The following EZH2 variants were observed in gnomAD, a reference collection of about 807,000 sequenced individuals.
The protein encoded by EZH2 is enhancer of zeste 2 polycomb repressive complex 2 subunit, also known as histone-lysine N-methyltransferase EZH2.
Under a neutral mutation model 98.4 loss-of-function variants are expected in EZH2, and 18 were observed. The ratio of observed to expected loss-of-function variants is 0.18; its 90% CI spans 0.13 to 0.27. The LOEUF (loss-of-function observed/expected upper bound fraction) is 0.27. EZH2 is among the 10% of genes least tolerant of loss of function. The pLI is 1.00. For synonymous variants in EZH2, 338 were observed against 312.3 expected (o/e 1.08, Z -0.87); for missense variants, 470 against 935.1 (o/e 0.50, Z 6.49).
chr7:148,877,700 C>T (rs774120181), intron 1 of EZH2, among the ~76,000 whole-genome samples: 1 of 152,208 alleles, frequency 6.6e-6, no homozygotes, highest in Non-Finnish European at 1.5e-5. Context: ...CTCTCAAATG[C>T]ATACTATTAC....
Position 148,813,955 on chromosome 7 carries a change from T to C in EZH2, c.1851+4A>G, listed in dbSNP as rs1563200988. 1 of 1,610,436 alleles carries C rather than the reference T, an allele frequency of 6.2e-7. No individual in the cohort carries two copies. The stretch of plus-strand genomic sequence containing the variant: ...CAATCTTCCAGAAGTGACTTGTTGC[T>C]CACCTTTTTGGAGCCCCGCTGAATA... On this transcript the variant is annotated splice_donor_region_variant and intron_variant, in intron 15 of 19. Coordinates refer to ENST00000320356, the MANE Select transcript of EZH2 (RefSeq NM_004456.5).
chr7:148,846,838 CTGTGTGTGTGT>C (rs1814211285), intron 2 of EZH2, among the ~76,000 whole-genome samples: 1 of 135,124 alleles, frequency 7.4e-6, no homozygotes, highest in African/African-American at 2.7e-5. Context: ...TCTTTGTTGA[CTGTGTGTGTGT>C]GTGTGTGTGT....
chr7:148,809,685 A>G (rs189827333), intron 17 of EZH2, among the ~76,000 whole-genome samples: 8 of 152,346 alleles, frequency 5.3e-5, no homozygotes, highest in African/African-American at 1.7e-4. Flanking sequence ...AAATCTGACA[A>G]AATTCTTCCA....
chr7:148,846,473 C>T lies in EZH2; in HGVS notation c.243G>A (p.Arg81=). Residue 81 remains arginine, a synonymous_variant, in exon 3 of 20, where the codon AGG becomes AGA. Transcript: ENST00000320356. The part of the protein sequence containing the change: ...LTSVSSLRGT[R]ECSVTSDLDF... ...ACAACATGTTATGTTAACCAACCTC[C>T]CTAGTCCCGCGCAATGAGCTCACAG... 6.2e-7 allele frequency: 1 copy of T among 1,612,880 alleles called. No individual in the cohort carries two copies. Among genetic ancestry groups the T allele is most frequent in the Non-Finnish European group, 8.5e-7 (1 of 1,179,440 alleles).
chr7:148,822,327 T>C (rs564340727), intron 8 of EZH2, among the ~76,000 whole-genome samples: 1 of 151,764 alleles, frequency 6.6e-6, no homozygotes, highest in East Asian at 1.9e-4. Flanking sequence ...CTGGCCAACA[T>C]GGCAAAACCA....
In EZH2 at chr7:148,809,193, C is replaced by T. The variant is rs112936048; in HGVS notation, c.2111-38G>A. 397 of 1,599,272 alleles carry T rather than the reference C, an allele frequency of 2.5e-4. No homozygotes were observed. In the African/African-American group the frequency reaches 2.6e-3, roughly 11 times the overall value. ...ACACTGGTGTCAGTGAGCATGAAGA[C>T]GGGCCACGGGGGGTTAACTGACTTG... On this transcript the variant is annotated intron_variant, in intron 18 of 19. Transcript: ENST00000320356.
Position 148,847,188 on chromosome 7 carries a change from T to C in EZH2, c.111A>G (p.Glu37=). The C allele has an allele frequency of 6.2e-7, 1 of 1,608,322 alleles. No homozygotes were observed. Among genetic ancestry groups the C allele is most frequent in the Non-Finnish European group, 8.5e-7 (1 of 1,178,446 alleles). Residue 37 remains glutamate (E), a synonymous_variant, in exon 2 of 20, where the codon GAA becomes GAG. Transcript: ENST00000320356. ...RQLKRFRRAD[E]VKSMFSSNRQ... ...ACAAAAGATAAAATTATACCTTTACTTCATCAGCTCGTCTGAACCTCTTGA... is the reference window on the plus strand; with the variant it reads ...ACAAAAGATAAAATTATACCTTTACCTCATCAGCTCGTCTGAACCTCTTGA...
At chr7:148,823,492 C>T (rs1806763721) in intron 8 of EZH2, among the ~76,000 whole-genome samples, 1 of 151,194 alleles carries the variant, frequency 6.6e-6, no homozygotes, top group African/African-American at 2.4e-5. Flanking sequence ...ATAAGACGGT[C>T]AGAAAAAAGG....
intron 1 of EZH2, among the ~76,000 whole-genome samples, chr7:148,866,556 A>ATATATATACGTATATACGTATATATACG (rs1563063346): frequency 8.0e-6 from 1 of 125,648 alleles, no homozygotes; most frequent in African/African-American, 2.9e-5. Flanking sequence ...ATATATATAC[A>ATATATATACGTATATACGTATATATACG]TATATACATA....
At chr7:148,865,676 C>A (rs75391919) in intron 1 of EZH2, among the ~76,000 whole-genome samples, 1 of 152,322 alleles carries the variant, frequency 6.6e-6, no homozygotes, top group East Asian at 1.9e-4. Context: ...CATCTTCCCA[C>A]AAACTCTGCA....
At chr7:148,883,372 T>G (rs1483338947) in intron 1 of EZH2, 1 of 152,204 alleles carries the variant, frequency 6.6e-6, no homozygotes, top group Non-Finnish European at 1.5e-5. Flanking sequence ...AGCTCGACTC[T>G]TCCCTCAAAC....
At chr7:148,882,285 A>C (rs1482635686) in intron 1 of EZH2, among the ~76,000 whole-genome samples, 1 of 152,218 alleles carries the variant, frequency 6.6e-6, no homozygotes, top group Non-Finnish European at 1.5e-5. Flanking sequence ...TTTATCATAT[A>C]GGACAGTGCA....
Position 148,807,513 on chromosome 7 carries a change from A to G in EZH2, c.*133T>C. 3 of 728,232 alleles carry G rather than the reference A, an allele frequency of 4.1e-6. No homozygotes were observed. Among genetic ancestry groups the G allele is most frequent in the East Asian group, 2.7e-5 (1 of 36,570 alleles). The allele number at this position is 728,232 out of a possible 1,614,324, so 45.1% of individuals were successfully genotyped here. A position where few individuals can be genotyped will look rare whatever the true frequency, so the allele number is the denominator to read the frequency against. On this transcript the variant is annotated 3_prime_UTR_variant, in exon 20 of 20. Coordinates refer to ENST00000320356, the MANE Select transcript of EZH2 (RefSeq NM_004456.5). ...AAAGTTGATTTTTAAACTCATTACTATAAATTATTCTTACAGTACTTTGCA... is the reference window on the plus strand; with the variant it reads ...AAAGTTGATTTTTAAACTCATTACTGTAAATTATTCTTACAGTACTTTGCA...
In EZH2 at chr7:148,817,938, C is replaced by T. The variant is rs770102474; in HGVS notation, c.1179G>A (p.Thr393=). 1.4e-5 allele frequency: 23 copies of T among 1,614,032 alleles called. No individual in the cohort carries two copies. The highest frequency in any genetic ancestry group is 1.1e-4 in the East Asian group (5 of 44,902). Reference sequence around the variant, plus strand: ...CTTCTTTATCATTGTTCTCTCCCCCCGTTTCAGTCCCTGCTTCCCTATCAC... The same window carrying T: ...CTTCTTTATCATTGTTCTCTCCCCCTGTTTCAGTCCCTGCTTCCCTATCAC... ...TDSDREAGTE[T]GGENNDKEEE... is the part of the protein sequence containing the mutation. Residue 393 remains threonine, a synonymous_variant, in exon 10 of 20, where the codon ACG becomes ACA. Transcript: ENST00000320356.
chr7:148,840,709 T>A (rs1400384856), intron 3 of EZH2, among the ~76,000 whole-genome samples: 2 of 152,172 alleles, frequency 1.3e-5, no homozygotes, highest in Non-Finnish European at 2.9e-5. Context: ...GTTACTCAAG[T>A]GATATTCTTT....
rs1380568930 is a variant in EZH2 at position 148,867,301 on chromosome 7, G to C, written c.-8+16863C>G. ...AGATCGCACCATTGTAGTCCAGCCTGGGCAAAAAGAGCAAAACTCCCATCT... is the reference window on the plus strand; with the variant it reads ...AGATCGCACCATTGTAGTCCAGCCTCGGCAAAAAGAGCAAAACTCCCATCT... On this transcript the variant is annotated intron_variant, in intron 1 of 19. Transcript: ENST00000320356. Among the ~76,000 whole-genome samples, 4 of 151,980 alleles carry C rather than the reference G, an allele frequency of 2.6e-5. No individual in the cohort carries two copies. In the East Asian group the frequency reaches 7.8e-4, roughly 30 times the overall value.
At chr7:148,872,570 G>C (rs73471857) in intron 1 of EZH2, among the ~76,000 whole-genome samples, 3,965 of 152,258 alleles carry the variant, frequency 0.026, 179 homozygotes, top group African/African-American at 0.09. Context: ...TCAACAAATA[G>C]TAATTAGTTC....
At chr7:148,847,655 CAG>C (rs1814510477) in intron 1 of EZH2, among the ~76,000 whole-genome samples, 2 of 151,624 alleles carry the variant, frequency 1.3e-5, no homozygotes, top group African/African-American at 4.9e-5. Flanking sequence ...AATATAAAGA[CAG>C]ATCCTGTTTT....
intron 1 of EZH2, among the ~76,000 whole-genome samples, chr7:148,865,552 T>G (rs1239183241): frequency 2.0e-5 from 3 of 152,172 alleles, no homozygotes; most frequent in Non-Finnish European, 4.4e-5. Context: ...AGGATTGCCC[T>G]TAAGTACAAA....
Sources: allele counts gnomAD v4.1 joint callset (sites outside exome capture counted in the v4.1 genomes callset), GRCh38; gene constraint gnomAD v4.1.1; transcripts MANE v1.5; gene names NCBI Gene and HGNC (gene_info 2026-07-23, HGNC 2026-07-21).